The following C1orf54 variants were observed in gnomAD, a reference collection of about 807,000 sequenced individuals.
The protein encoded by C1orf54 is chromosome 1 open reading frame 54, also known as uncharacterized protein C1orf54.
Under a neutral mutation model 14.7 loss-of-function variants are expected in C1orf54, and 12 were observed. That is an observed-to-expected ratio of 0.82 (90% CI 0.52 to 1.32). C1orf54 has a LOEUF of 1.32. C1orf54 is among the 40% of genes most tolerant of loss of function. C1orf54 has a pLI of 0.00. For synonymous variants in C1orf54, 65 were observed against 56.3 expected (o/e 1.16, Z -0.70); for missense variants, 163 against 162.2 (o/e 1.00, Z -0.03).
intron 2 of C1orf54, among the ~76,000 whole-genome samples, chr1:150,275,179 C>T (rs1553852179): frequency 1.3e-5 from 2 of 151,728 alleles, no homozygotes; most frequent in African/African-American, 2.4e-5. Flanking sequence ...GCTGGGACTA[C>T]AGGCGTGTGC....
At chr1:150,273,468 C>T (rs1463266967) in intron 1 of C1orf54, among the ~76,000 whole-genome samples, 1 of 152,142 alleles carries the variant, frequency 6.6e-6, no homozygotes, top group Admixed American at 6.5e-5. Context: ...AAGTGTTTAG[C>T]AGGAGGCCTG....
chr1:150,279,125 G>C (rs587732862), intron 4 of C1orf54, among the ~76,000 whole-genome samples: 1 of 152,332 alleles, frequency 6.6e-6, no homozygotes, highest in South Asian at 2.1e-4. Context: ...ACAAAAATTA[G>C]CCAGGCATGG....
upstream of C1orf54, among the ~76,000 whole-genome samples, chr1:150,272,090 A>C (rs1230373096): frequency 6.6e-6 from 1 of 152,028 alleles, no homozygotes; most frequent in African/African-American, 2.4e-5. Context: ...CAGTGAGCCG[A>C]GATCGCGCCA....
chr1:150,277,191 G>A (rs1652725816), intron 4 of C1orf54, among the ~76,000 whole-genome samples: 1 of 152,084 alleles, frequency 6.6e-6, no homozygotes, highest in Non-Finnish European at 1.5e-5. Context: ...TTAGGAGGAA[G>A]AATAGTTATT....
chr1:150,279,457 C>G (rs1264565979), intron 4 of C1orf54, among the ~76,000 whole-genome samples, 186 bp from the exon 5 acceptor site: 1 of 152,026 alleles, frequency 6.6e-6, no homozygotes, highest in Non-Finnish European at 1.5e-5. Flanking sequence ...CTGGTATGGT[C>G]AGGGATAGCT....
Position 150,279,694 on chromosome 1 carries a change from C to A in C1orf54, c.352C>A (p.Leu118Ile), listed in dbSNP as rs782528160. The A allele has an allele frequency of 6.2e-7, 1 of 1,613,194 alleles. No homozygotes were observed. The highest frequency in any genetic ancestry group is 8.5e-7 in the Non-Finnish European group (1 of 1,179,696). ...CAGTTTGCGAAGTCCTATTCCCCTC[C>A]TCCTGTCGTGTGCCTTTGTTCAGGT... The part of the protein sequence containing the change: ...VSSLRSPIPL[L>I]LSCAFVQVGM... The change falls in exon 5 of 6, where the codon CTC (leucine) becomes ATC (isoleucine). Residue 118 changes from leucine to isoleucine, a missense_variant. By Grantham distance (5) the Leu-to-Ile change is conservative. Transcript: ENST00000369099.
At chr1:150,273,994 A>G (rs1553851855) in intron 1 of C1orf54, 93 bp from the exon 2 acceptor site, 1 of 794,484 alleles carries the variant, frequency 1.3e-6, no homozygotes, top group African/African-American at 1.7e-5. Flanking sequence ...AAGAAAGAGC[A>G]AGAAAGCTGG....
At position 150,276,655 on chromosome 1, in the gene C1orf54, G is replaced by A. The variant is rs782329187; in HGVS notation, c.300+23G>A. ...CCTGTGAGTTGATTGGGGATTGGGG[G>A]CTGGGGGGAGACAGGACATCCCTAG... On this transcript the variant is annotated intron_variant, in intron 4 of 5. Transcript: ENST00000369099. 42 of 1,580,046 alleles carry A rather than the reference G, an allele frequency of 2.7e-5. No homozygotes were observed. The South Asian group carries it at 4.4e-4, about 17-fold the overall frequency.
chr1:150,280,223 C>G (rs1385490063), intron 5 of C1orf54, among the ~76,000 whole-genome samples: 1 of 151,914 alleles, frequency 6.6e-6, no homozygotes, highest in Non-Finnish European at 1.5e-5. Context: ...GAGACTGTCT[C>G]AAAAAATAAC....
chr1:150,271,901 G>A (rs1553851331), upstream of C1orf54, among the ~76,000 whole-genome samples: 1 of 152,204 alleles, frequency 6.6e-6, no homozygotes, highest in African/African-American at 2.4e-5. Context: ...TACTTTGGGA[G>A]GCCAAGACAG....
At chr1:150,273,667 T>C (rs12138787) in intron 1 of C1orf54, among the ~76,000 whole-genome samples, 12,875 of 152,240 alleles carry the variant, frequency 0.085, 716 homozygotes, top group Non-Finnish European at 0.12. Context: ...TAAGGGTGTA[T>C]GTTAGTTATT....
intron 5 of C1orf54, among the ~76,000 whole-genome samples, chr1:150,280,572 GT>G (rs1270333892): frequency 6.6e-6 from 1 of 152,192 alleles, no homozygotes; most frequent in East Asian, 1.9e-4. Flanking sequence ...TGGCAGGGCG[GT>G]GGGAGAGAAG....
upstream of C1orf54, chr1:150,268,839 G>A (rs2101856098): frequency 6.3e-7 from 1 of 1,589,874 alleles, no homozygotes; most frequent in Non-Finnish European, 8.6e-7. Flanking sequence ...GGGGGTGGGG[G>A]CCTGACCAGG....
chr1:150,273,397 T>C (rs587722314), intron 1 of C1orf54, among the ~76,000 whole-genome samples: 1 of 152,336 alleles, frequency 6.6e-6, no homozygotes, highest in South Asian at 2.1e-4. Context: ...TGTTTCCTTT[T>C]CCTCTAGATT....
chr1:150,272,076 G>A (rs1553851362), upstream of C1orf54, among the ~76,000 whole-genome samples: 1 of 151,954 alleles, frequency 6.6e-6, no homozygotes, highest in African/African-American at 2.4e-5. Context: ...GGAGGCAGAG[G>A]TTGCAGTGAG....
rs782675937 is a variant in C1orf54 at position 150,276,638 on chromosome 1, T to C, written c.300+6T>C. On this transcript the variant is annotated splice_donor_region_variant and intron_variant, in intron 4 of 5. Transcript: ENST00000369099. ...AACCAGTAACAACGGAACCTGTGAG[T>C]TGATTGGGGATTGGGGGCTGGGGGG... 1.9e-6 allele frequency: 3 copies of C among 1,609,376 alleles called. No individual in the cohort carries two copies. The highest frequency in any genetic ancestry group is 2.6e-6 in the Non-Finnish European group (3 of 1,176,048).
Position 150,280,819 on chromosome 1 carries a change from T to C in C1orf54, c.*4-16T>C. On this transcript the variant is annotated splice_polypyrimidine_tract_variant and intron_variant, in intron 5 of 5. Coordinates refer to ENST00000369099, the MANE Select transcript of C1orf54 (RefSeq NM_024579.4). ...TCCTGACTCCTTTTATTTTCTTTCT[T>C]TCTCTGCTTTTTTAGGTGGAAGAAG... 1 of 1,549,016 alleles carries C rather than the reference T, an allele frequency of 6.5e-7. No individual in the cohort carries two copies.
At chr1:150,272,788 T>C (rs368023952), upstream of C1orf54, 8 of 1,613,518 alleles carry the variant, frequency 5.0e-6, no homozygotes, top group Admixed American at 1.7e-5. Context: ...TTTCCTTTTT[T>C]ACTTTCACAG....
chr1:150,269,015 A>C, upstream of C1orf54: 1 of 528,210 alleles, frequency 1.9e-6, no homozygotes, highest in Non-Finnish European at 3.4e-6. Flanking sequence ...GAAGCCGAAG[A>C]GGGGACAAAT....
Sources: gnomAD v4.1 joint callset for allele counts (sites outside exome capture counted in the v4.1 genomes callset) on GRCh38, gnomAD v4.1.1 for gene constraint, MANE v1.5 for transcripts, NCBI Gene and HGNC (gene_info 2026-07-23, HGNC 2026-07-21) for gene names.